The following CEP250 variants were observed in gnomAD, a reference collection of about 807,000 sequenced individuals.
The protein encoded by CEP250 is centrosomal protein 250, also known as centrosome-associated protein CEP250.
A neutral mutation model predicts 315.7 loss-of-function variants in CEP250; 242 were observed. The ratio of observed to expected loss-of-function variants is 0.77; its 90% CI spans 0.69 to 0.85. The LOEUF (loss-of-function observed/expected upper bound fraction) is 0.85. Among genes scored for constraint, CEP250 ranks in the 40% least tolerant of loss-of-function variants. The pLI is 0.00. For synonymous variants in CEP250, 1,088 were observed against 1,175.0 expected (o/e 0.93, Z 1.51); for missense variants, 2,515 against 2,886.4 (o/e 0.87, Z 2.95).
rs756092487 is a variant in CEP250 at position 35,500,030 on chromosome 20, C to T, written c.3778-19C>T. The T allele has an allele frequency of 1.1e-5, 17 of 1,613,984 alleles. No individual in the cohort carries two copies. The highest frequency in any genetic ancestry group is 1.4e-5 in the Non-Finnish European group (16 of 1,179,894). On this transcript the variant is annotated intron_variant, in intron 27 of 34. Coordinates refer to ENST00000397527, the MANE Select transcript of CEP250 (RefSeq NM_007186.6). Reference sequence around the variant, plus strand: ...GGAAGATGAGGAACTCACGTTTAGCCATGCCCTTCCTTTCCCAGGATGTTC... The same window carrying T: ...GGAAGATGAGGAACTCACGTTTAGCTATGCCCTTCCTTTCCCAGGATGTTC...
chr20:35,498,790 G>C, intron 27 of CEP250, 74 bp downstream of exon 27: 2 of 1,458,800 alleles, frequency 1.4e-6, no homozygotes, highest in Non-Finnish European at 1.8e-6. Flanking sequence ...GTGTGAAGCA[G>C]TTTGACCTGT....
At position 35,501,061 on chromosome 20, in the gene CEP250, CAAAG is replaced by C. The variant is rs200355992; in HGVS notation, c.3899-782_3899-779del. On this transcript the variant is annotated intron_variant, in intron 28 of 34. Transcript: ENST00000397527. ...GATTATGAGCTTATTTGGGAGAAAGCAAAGAGAGGGGATCTGGGGAGGATATATC... is the reference window on the plus strand; with the variant it reads ...GATTATGAGCTTATTTGGGAGAAAGCAGAGGGGATCTGGGGAGGATATATC... Among the ~76,000 whole-genome samples the C allele has an allele frequency of 2.0e-5, 3 of 152,144 alleles. No individual in the cohort carries two copies. The East Asian group carries it at 5.8e-4, about 29-fold the overall frequency.
rs574523612 is a variant in CEP250 at position 35,502,052 on chromosome 20, C to A, written c.4020+86C>A. 5.5e-6 allele frequency: 8 copies of A among 1,467,674 alleles called. No homozygotes were observed. The South Asian group carries it at 7.9e-5, about 14-fold the overall frequency. The allele number at this position is 1,467,674 out of a possible 1,614,324, so 90.9% of individuals were successfully genotyped here. A position where few individuals can be genotyped will look rare whatever the true frequency, so the allele number is the denominator to read the frequency against. On this transcript the variant is annotated intron_variant, in intron 29 of 34. Coordinates refer to ENST00000397527, the MANE Select transcript of CEP250 (RefSeq NM_007186.6). ...TGGCCTGTGGTCCTGTGTCCCACTT[C>A]CTTCAGCAAGTCTGTCAGTTCCTCT...
chr20:35,474,829 C>T (rs1156965488), intron 14 of CEP250: 13 of 470,880 alleles, frequency 2.8e-5, no homozygotes, highest in South Asian at 6.2e-5. Context: ...TTTTGGAAAA[C>T]GCCAGCATAG....
rs1394041470 is a variant in CEP250, at chr20:35,513,962, C to T, written c.*2336C>T. 1.3e-5 allele frequency: 2 copies of T among 152,316 alleles called. No individual in the cohort carries two copies. Among genetic ancestry groups the T allele is most frequent in the African/African-American group, 4.8e-5 (2 of 41,460 alleles). 9.4% of individuals were successfully genotyped at this position (152,316 alleles called of 1,614,324 possible). ...GTTCAAGTGTAGACTGTGCTCTTGC[C>T]CTCACACTCGAGCTTGTGGATGATC... On this transcript the variant is annotated 3_prime_UTR_variant, in exon 35 of 35. Transcript: ENST00000397527.
rs377351050 is a variant in CEP250 at position 35,467,211 on chromosome 20, C to G, written c.600-93C>G. Reference sequence around the variant, plus strand: ...GTAGTATTGGAAGCAGATGATTTTTCCCAGCCCTGCTCCTCAGGCTTCACT... The same window carrying G: ...GTAGTATTGGAAGCAGATGATTTTTGCCAGCCCTGCTCCTCAGGCTTCACT... On this transcript the variant is annotated intron_variant, in intron 8 of 34. Transcript: ENST00000397527. The G allele has an allele frequency of 2.9e-4, 433 of 1,492,792 alleles. 4 individuals carry two copies. The East Asian group carries it at 7.8e-3, about 27-fold the overall frequency. 92.5% of individuals were successfully genotyped at this position (1,492,792 alleles called of 1,614,324 possible).
intron 1 of CEP250, among the ~76,000 whole-genome samples, chr20:35,455,963 T>G (rs1439614484): frequency 6.6e-6 from 1 of 152,230 alleles, no homozygotes; most frequent in Non-Finnish European, 1.5e-5. Context: ...TGGCGCGATC[T>G]CGGCTCACCT....
At chr20:35,463,758 C>G in intron 5 of CEP250, 127 bp downstream of exon 5, 1 of 608,072 alleles carries the variant, frequency 1.6e-6, no homozygotes, top group Non-Finnish European at 2.5e-6. Context: ...TCTTTCTCAG[C>G]CTCTGAGAGG....
chr20:35,505,099 A>C, intron 30 of CEP250, 94 bp downstream of exon 30: 1 of 1,065,606 alleles, frequency 9.4e-7, no homozygotes, highest in South Asian at 1.7e-5. Flanking sequence ...GTGGCACCTC[A>C]GGGGTATGAG....
intron 30 of CEP250, among the ~76,000 whole-genome samples, chr20:35,505,483 T>A (rs1391085117): frequency 1.3e-5 from 2 of 151,950 alleles, no homozygotes; most frequent in Non-Finnish European, 2.9e-5. Context: ...TGAAACCCCG[T>A]CTCTACTAAA....
In CEP250 at chr20:35,502,823, G is replaced by GT; in HGVS notation, c.4455dup (p.Arg1486Ter). 6.2e-7 allele frequency: 1 copy of GT among 1,614,222 alleles called. No individual in the cohort carries two copies. Among genetic ancestry groups the GT allele is most frequent in the Non-Finnish European group, 8.5e-7 (1 of 1,180,042 alleles). On this transcript the variant is annotated frameshift_variant, in exon 30 of 35. Coordinates refer to ENST00000397527, the MANE Select transcript of CEP250 (RefSeq NM_007186.6). LOFTEE classifies it high-confidence loss of function. ...GAACAGATTCAGGAGCTAGAGAAGTGTAGGTCTGTTTTAGAGCATCTGCCC... is the reference window on the plus strand; with the variant it reads ...GAACAGATTCAGGAGCTAGAGAAGTGTTAGGTCTGTTTTAGAGCATCTGCCC...
Position 35,479,987 on chromosome 20 carries a change from T to G in CEP250, c.2428T>G (p.Cys810Gly). 4 of 1,613,528 alleles carry G rather than the reference T, an allele frequency of 2.5e-6. No homozygotes were observed. Among genetic ancestry groups the G allele is most frequent in the Non-Finnish European group, 3.4e-6 (4 of 1,179,852 alleles). ...CCCTGGCATGTTAGGGGAAGTGAGGTGCCTGAAGCTGGAACTGGACACTGA... is the reference window on the plus strand; with the variant it reads ...CCCTGGCATGTTAGGGGAAGTGAGGGGCCTGAAGCTGGAACTGGACACTGA... ...AKEVIQGEVRCLKLELDTERS... is the reference protein window; with the variant it reads ...AKEVIQGEVRGLKLELDTERS... The change falls in exon 20 of 35, where the codon TGC (cysteine) becomes GGC (glycine). Residue 810 changes from cysteine to glycine, a missense_variant. By Grantham distance (159) the Cys-to-Gly change is radical. Coordinates refer to ENST00000397527, the MANE Select transcript of CEP250 (RefSeq NM_007186.6).
chr20:35,474,164 G>A, intron 14 of CEP250, 112 bp downstream of exon 14: 2 of 904,920 alleles, frequency 2.2e-6, no homozygotes, highest in South Asian at 4.0e-5. Context: ...CTGGCATGCA[G>A]TGGGTTCAGA....
At chr20:35,469,837 T>C in intron 9 of CEP250, 53 bp from the exon 10 acceptor site, 1 of 1,238,292 alleles carries the variant, frequency 8.1e-7, no homozygotes, top group Non-Finnish European at 1.2e-6. Context: ...GCATCGTAGC[T>C]CTGTCCACAT....
rs1434038188 is a variant in CEP250 at position 35,478,057 on chromosome 20, G to A, written c.2050G>A (p.Asp684Asn). The part of the protein sequence containing the change: ...AGAELQADLR[D>N]IQEEKEEIQK... Reference sequence around the variant, plus strand: ...GGCTGAGCTGCAGGCAGATCTCAGGGACATCCAAGAAGAGAAGGAAGAAAT... The same window carrying A: ...GGCTGAGCTGCAGGCAGATCTCAGGAACATCCAAGAAGAGAAGGAAGAAAT... Residue 684 changes from aspartate to asparagine, a missense_variant, in exon 17 of 35, where the codon GAC becomes AAC. Physicochemically the swap from Asp to Asn is conservative, Grantham distance 23. Coordinates refer to ENST00000397527, the MANE Select transcript of CEP250 (RefSeq NM_007186.6). The A allele has an allele frequency of 6.2e-7, 1 of 1,614,086 alleles. No homozygotes were observed. Among genetic ancestry groups the A allele is most frequent in the East Asian group, 2.2e-5 (1 of 44,884 alleles).
In CEP250 at chr20:35,511,991, C is replaced by G; in HGVS notation, c.*365C>G. ...TTGCATTCATTTTCTGCTGCTGTCT[C>G]CACTTGTGCAGCTGGGTGGCAGCAC... On this transcript the variant is annotated 3_prime_UTR_variant, in exon 35 of 35. Coordinates refer to ENST00000397527, the MANE Select transcript of CEP250 (RefSeq NM_007186.6). The G allele has an allele frequency of 9.5e-7, 1 of 1,055,254 alleles. No individual in the cohort carries two copies. Among genetic ancestry groups the G allele is most frequent in the Non-Finnish European group, 1.1e-6 (1 of 874,740 alleles). 65.4% of individuals were successfully genotyped at this position (1,055,254 alleles called of 1,614,324 possible).
chr20:35,459,200 C>T (rs1011777388), intron 2 of CEP250, among the ~76,000 whole-genome samples: 1 of 150,172 alleles, frequency 6.7e-6, no homozygotes, highest in Non-Finnish European at 1.5e-5. Context: ...TTTATCTCTA[C>T]AAGCCTCAGT....
chr20:35,495,918 G>T (rs1247921932), intron 24 of CEP250, among the ~76,000 whole-genome samples: 1 of 152,100 alleles, frequency 6.6e-6, no homozygotes, highest in Non-Finnish European at 1.5e-5. Flanking sequence ...GAGAAGAGAA[G>T]AGGTTTAAAG....
chr20:35,494,615 A>C lies in CEP250; in HGVS notation c.3125A>C (p.Glu1042Ala). 6.2e-7 allele frequency: 1 copy of C among 1,614,144 alleles called. No homozygotes were observed. The highest frequency in any genetic ancestry group is 2.2e-5 in the East Asian group (1 of 44,888). ...EVQEKLRETQ[E>A]YNRIQKELER... ...CAGGAGAAGCTGAGAGAGACCCAGGAGTATAACCGAATTCAGAAGGAGCTG... is the reference window on the plus strand; with the variant it reads ...CAGGAGAAGCTGAGAGAGACCCAGGCGTATAACCGAATTCAGAAGGAGCTG... The change falls in exon 24 of 35, where the codon GAG (glutamate) becomes GCG (alanine). Residue 1042 changes from glutamate to alanine, a missense_variant. Physicochemically the swap from Glu to Ala is moderately radical, Grantham distance 107. Coordinates refer to ENST00000397527, the MANE Select transcript of CEP250 (RefSeq NM_007186.6).
Sources: allele counts gnomAD v4.1 joint callset (sites outside exome capture counted in the v4.1 genomes callset), GRCh38; gene constraint gnomAD v4.1.1; transcripts MANE v1.5; gene names NCBI Gene and HGNC (gene_info 2026-07-23, HGNC 2026-07-21).